The following ORC3 variants were observed in gnomAD, a reference collection of about 807,000 sequenced individuals.
The protein encoded by ORC3 is origin recognition complex subunit 3, also known as homolog of latheo, Drosophila.
ORC3 carries 78 observed loss-of-function variants against 100.7 expected under a neutral mutation model. The observed-to-expected ratio is 0.77, with a 90% CI of 0.65 to 0.94. The LOEUF (loss-of-function observed/expected upper bound fraction) is 0.94. Among genes scored for constraint, ORC3 ranks in the 40% least tolerant of loss-of-function variants. The pLI is 0.00. For missense variants in ORC3, 789 were observed against 823.9 expected (o/e 0.96, Z 0.52); for synonymous variants, 295 against 289.3 (o/e 1.02, Z -0.20).
chr6:87,595,334 A>T (rs953088823), intron 2 of ORC3: 3 of 152,232 alleles, frequency 2.0e-5, no homozygotes, highest in African/African-American at 7.2e-5. Flanking sequence ...CTCACTTATC[A>T]CTAAGATTTC....
At chr6:87,642,157 G>C (rs919310919) in intron 13 of ORC3, among the ~76,000 whole-genome samples, 4 of 152,086 alleles carry the variant, frequency 2.6e-5, no homozygotes, top group African/African-American at 9.7e-5. Context: ...GTATATGAGC[G>C]TGGTGGTGCA....
At chr6:87,642,499 A>G (rs548571099) in intron 13 of ORC3, among the ~76,000 whole-genome samples, 114 of 151,266 alleles carry the variant, frequency 7.5e-4, no homozygotes, top group Non-Finnish European at 1.0e-3. Context: ...AGGAGAATCA[A>G]TTGAATCCGG....
At chr6:87,599,828 C>A (rs1374510601) in intron 2 of ORC3, among the ~76,000 whole-genome samples, 3 of 152,098 alleles carry the variant, frequency 2.0e-5, no homozygotes, top group African/African-American at 7.2e-5. Flanking sequence ...ATATAATTAG[C>A]CAGATGTGGT....
Position 87,634,894 on chromosome 6 carries a change from A to G in ORC3, c.1235A>G (p.Tyr412Cys). The G allele has an allele frequency of 6.2e-7, 1 of 1,606,760 alleles. No individual in the cohort carries two copies. Among genetic ancestry groups the G allele is most frequent in the South Asian group, 1.1e-5 (1 of 90,938 alleles). The change falls in exon 12 of 20, where the codon TAC becomes TGC. Residue 412 changes from tyrosine (Y) to cysteine (C), a missense_variant. Physicochemically the swap from Tyr to Cys is radical, Grantham distance 194. Transcript: ENST00000392844. ...AACCTGCATGTTTATCATATGAATT[A>G]CTTCCTGGTTTTGAGATGTCTTCAT... ...LENLHVYHMN[Y>C]FLVLRCLHKF...
intron 11 of ORC3, among the ~76,000 whole-genome samples, chr6:87,633,615 C>CT (rs1385632010): frequency 6.6e-6 from 1 of 152,022 alleles, no homozygotes; most frequent in Non-Finnish European, 1.5e-5. Flanking sequence ...GTTAGATTTG[C>CT]TTGAATTTAT....
intron 16 of ORC3, among the ~76,000 whole-genome samples, chr6:87,661,673 C>G (rs1296477900): frequency 6.6e-6 from 1 of 152,146 alleles, no homozygotes; most frequent in Non-Finnish European, 1.5e-5. Context: ...CTGCTTTGCT[C>G]TGCTTGTACT....
At chr6:87,596,594 G>A (rs1236751847) in intron 2 of ORC3, among the ~76,000 whole-genome samples, 1 of 152,092 alleles carries the variant, frequency 6.6e-6, no homozygotes, top group African/African-American at 2.4e-5. Context: ...GAGTGGTTAT[G>A]TAAGTATATA....
chr6:87,675,476 C>T, the ORC3 span: 30 of 1,421,618 alleles, frequency 2.1e-5, no homozygotes, highest in Admixed American at 2.2e-4. Flanking sequence ...TTGCCACTGA[C>T]GAAAGCTTGA....
chr6:87,658,488 CT>C, intron 16 of ORC3, among the ~76,000 whole-genome samples: 1 of 151,240 alleles, frequency 6.6e-6, no homozygotes, highest in Non-Finnish European at 1.5e-5. Context: ...AATTTTTATT[CT>C]TTTTCCATCA....
At chr6:87,648,141 T>A (rs956991083) in intron 13 of ORC3, among the ~76,000 whole-genome samples, 1 of 151,994 alleles carries the variant, frequency 6.6e-6, no homozygotes, top group Admixed American at 6.6e-5. Context: ...GCAGAGGTTG[T>A]AGTGAGCAGA....
chr6:87,601,947 C>T (rs1395019914), intron 3 of ORC3, 66 bp downstream of exon 3: 4 of 892,714 alleles, frequency 4.5e-6, no homozygotes, highest in Non-Finnish European at 7.6e-6. Flanking sequence ...TCTCATCTTC[C>T]TTTCCACCAG....
chr6:87,601,096 A>G (rs535568880), intron 2 of ORC3, among the ~76,000 whole-genome samples: 7 of 152,352 alleles, frequency 4.6e-5, no homozygotes, highest in Non-Finnish European at 7.3e-5. Flanking sequence ...GTAGTAAGTC[A>G]TTCAATAGAG....
At chr6:87,626,135 G>C (rs978254295) in intron 11 of ORC3, among the ~76,000 whole-genome samples, 1 of 152,118 alleles carries the variant, frequency 6.6e-6, no homozygotes, top group African/African-American at 2.4e-5. Context: ...CTCCAGCTTT[G>C]TTCTTTTTGC....
In ORC3 at chr6:87,612,263, T is replaced by A; in HGVS notation, c.873+15T>A. ...TACTCGATAAGGTAAAAAGAATAAG[T>A]TTTACCAGTGAAATAGGATGAAAAG... is the stretch of plus-strand genomic sequence containing the variant. On this transcript the variant is annotated intron_variant, in intron 8 of 19. Coordinates refer to ENST00000392844, the MANE Select transcript of ORC3 (RefSeq NM_012381.4). 3.2e-6 allele frequency: 5 copies of A among 1,569,920 alleles called. No individual in the cohort carries two copies. The highest frequency in any genetic ancestry group is 3.5e-6 in the Non-Finnish European group (4 of 1,159,388).
At chr6:87,601,688 T>C (rs13193911) in intron 2 of ORC3, 96 bp from the exon 3 acceptor site, 33,435 of 706,480 alleles carry the variant, frequency 0.047, 1,236 homozygotes, top group African/African-American at 0.14. Context: ...AAAAAAAATT[T>C]CACTTCTGTC....
intron 18 of ORC3, among the ~76,000 whole-genome samples, chr6:87,665,271 A>C (rs1654108997): frequency 6.6e-6 from 1 of 152,240 alleles, no homozygotes; most frequent in Non-Finnish European, 1.5e-5. Context: ...CAGATTTAGC[A>C]ATCAGGAAGT....
At chr6:87,627,288 C>T (rs1430646424) in intron 11 of ORC3, among the ~76,000 whole-genome samples, 8 of 145,204 alleles carry the variant, frequency 5.5e-5, no homozygotes, top group African/African-American at 1.8e-4. Flanking sequence ...TGTGAGCCAC[C>T]GCGCCCAGCT....
At chr6:87,655,601 C>T (rs1769618589) in intron 14 of ORC3, among the ~76,000 whole-genome samples, 1 of 151,850 alleles carries the variant, frequency 6.6e-6, no homozygotes, top group African/African-American at 2.4e-5. Context: ...AATCTGCCTG[C>T]CTCAGCCTCC....
intron 6 of ORC3, among the ~76,000 whole-genome samples, chr6:87,608,086 A>G (rs1415524138): frequency 2.0e-5 from 3 of 152,198 alleles, no homozygotes; most frequent in African/African-American, 4.8e-5. Flanking sequence ...TAATGACAAA[A>G]ACAGAGCATC....
Sources: gnomAD v4.1 joint callset for allele counts (sites outside exome capture counted in the v4.1 genomes callset) on GRCh38, gnomAD v4.1.1 for gene constraint, MANE v1.5 for transcripts, NCBI Gene and HGNC (gene_info 2026-07-23, HGNC 2026-07-21) for gene names.